The following CPLX2 variants were observed in gnomAD, a reference collection of about 807,000 sequenced individuals.
CPLX2 encodes the protein complexin-2.
A neutral mutation model predicts 16.3 loss-of-function variants in CPLX2; 5 were observed. That is an observed-to-expected ratio of 0.31 (90% CI 0.16 to 0.64). The LOEUF (loss-of-function observed/expected upper bound fraction) is 0.64. Ranked by LOEUF, CPLX2 falls within the 30% of genes least tolerant of loss-of-function variation. The probability of loss-of-function intolerance (pLI) is 0.79; values close to 1 mark genes in which losing one functional copy is unlikely to be tolerated. For synonymous variants in CPLX2, 89 were observed against 73.2 expected (o/e 1.22, Z -1.10); for missense variants, 144 against 181.4 (o/e 0.79, Z 1.18).
chr5:175,799,540 A>ATATATATATTTC (rs71702847), intron 1 of CPLX2, among the ~76,000 whole-genome samples: 1 of 28,234 alleles, frequency 3.5e-5, no homozygotes, highest in African/African-American at 1.3e-4. Flanking sequence ...TGCAAATTTC[A>ATATATATATTTC]TATATATATA....
At chr5:175,856,488 A>G (rs1759259133) in intron 2 of CPLX2, among the ~76,000 whole-genome samples, 1 of 152,120 alleles carries the variant, frequency 6.6e-6, no homozygotes, top group Non-Finnish European at 1.5e-5. Flanking sequence ...AGCTCCCGCC[A>G]CGCTCCGCGC....
At chr5:175,836,545 C>T (rs1581084258) in intron 2 of CPLX2, among the ~76,000 whole-genome samples, 1 of 152,052 alleles carries the variant, frequency 6.6e-6, no homozygotes, top group East Asian at 1.9e-4. Flanking sequence ...GGCAGGTTCT[C>T]CAGCGGGGTG....
At chr5:175,836,282 G>A (rs761651787) in intron 2 of CPLX2, among the ~76,000 whole-genome samples, 5 of 152,236 alleles carry the variant, frequency 3.3e-5, no homozygotes, top group East Asian at 1.9e-4. Context: ...CCCGGGAGGC[G>A]GAGCTTGCAG....
intron 2 of CPLX2, among the ~76,000 whole-genome samples, chr5:175,865,346 C>A (rs777570678): frequency 6.6e-6 from 1 of 152,152 alleles, no homozygotes; most frequent in Non-Finnish European, 1.5e-5. Flanking sequence ...ATTTCCAGCT[C>A]ACTTACTCCA....
At chr5:175,853,846 C>T (rs568631661) in intron 2 of CPLX2, among the ~76,000 whole-genome samples, 2 of 152,240 alleles carry the variant, frequency 1.3e-5, no homozygotes, top group East Asian at 1.9e-4. Context: ...CTGTGGAGTG[C>T]GATTGCTGCA....
intron 2 of CPLX2, among the ~76,000 whole-genome samples, chr5:175,859,043 C>T (rs1028834585): frequency 1.3e-5 from 2 of 152,234 alleles, no homozygotes; most frequent in African/African-American, 4.8e-5. Flanking sequence ...ATGAGCCTCA[C>T]CAACCTAGCA....
At chr5:175,867,852 A>G (rs189224132), upstream of CPLX2, among the ~76,000 whole-genome samples, 1 of 152,264 alleles carries the variant, frequency 6.6e-6, no homozygotes, top group Non-Finnish European at 1.5e-5. Flanking sequence ...CCCTCACACC[A>G]TGCCATTCCA....
intron 2 of CPLX2, among the ~76,000 whole-genome samples, chr5:175,840,129 A>G (rs1454282442): frequency 2.6e-5 from 4 of 152,222 alleles, no homozygotes; most frequent in Non-Finnish European, 4.4e-5. Context: ...ATCCTTTGAC[A>G]TAAAACAATT....
intron 2 of CPLX2, among the ~76,000 whole-genome samples, chr5:175,821,792 G>T (rs1758515138): frequency 6.6e-6 from 1 of 152,196 alleles, no homozygotes; most frequent in South Asian, 2.1e-4. Context: ...CCGGGTGCAG[G>T]CATAAGGTGA....
intron 2 of CPLX2, 35 bp from the exon 3 acceptor site, chr5:175,878,873 G>A (rs780237373): frequency 6.2e-7 from 1 of 1,608,968 alleles, no homozygotes; most frequent in South Asian, 1.1e-5. Context: ...ACCCCTAGCT[G>A]ACCCCGCCCT....
At chr5:175,821,543 G>C (rs1758509731) in intron 2 of CPLX2, among the ~76,000 whole-genome samples, 1 of 152,068 alleles carries the variant, frequency 6.6e-6, no homozygotes, top group African/African-American at 2.4e-5. Context: ...GAGTAGCTGG[G>C]ATTACAGGCA....
rs3822674 is a variant in CPLX2 at position 175,880,253 on chromosome 5, T to C, written c.*208T>C. ...CACCTGCACCCCACTCCCAAGTAGC[T>C]TGAAAAAGGGAGGACAGTCTTTCCC... On this transcript the variant is annotated 3_prime_UTR_variant, in exon 4 of 4. Coordinates refer to ENST00000393745, the MANE Select transcript of CPLX2 (RefSeq NM_001008220.2). 0.5 allele frequency: 339,265 copies of C among 683,570 alleles called. 85,443 individuals are homozygous for C. Among genetic ancestry groups the C allele is most frequent in the East Asian group, 0.59 (20,693 of 35,332 alleles). The allele number at this position is 683,570 out of a possible 1,614,324, so 42.3% of individuals were successfully genotyped here.
At chr5:175,799,853 A>C (rs935087528) in intron 1 of CPLX2, among the ~76,000 whole-genome samples, 1 of 151,788 alleles carries the variant, frequency 6.6e-6, no homozygotes, top group African/African-American at 2.4e-5. Context: ...ATACTTTCTA[A>C]GTAACTTGAT....
intron 2 of CPLX2, among the ~76,000 whole-genome samples, chr5:175,838,266 C>CTTTTTTT (rs1156770920): frequency 5.1e-5 from 6 of 116,780 alleles, no homozygotes; most frequent in African/African-American, 1.0e-4. Flanking sequence ...CCCCTCCTGT[C>CTTTTTTT]TTTTTTTTTT....
chr5:175,832,926 G>A (rs780637672), intron 2 of CPLX2, among the ~76,000 whole-genome samples: 2 of 152,078 alleles, frequency 1.3e-5, no homozygotes, highest in Non-Finnish European at 2.9e-5. Context: ...AGGCCGAGGT[G>A]GGCAGATCTA....
upstream of CPLX2, among the ~76,000 whole-genome samples, chr5:175,869,364 C>A (rs1759537311): frequency 6.6e-6 from 1 of 152,198 alleles, no homozygotes; most frequent in Non-Finnish European, 1.5e-5. Flanking sequence ...GCCTCCCACA[C>A]ACCTGCCATC....
At chr5:175,824,581 G>T (rs181983091) in intron 2 of CPLX2, among the ~76,000 whole-genome samples, 248 of 152,344 alleles carry the variant, frequency 1.6e-3, no homozygotes, top group Admixed American at 5.6e-3. Flanking sequence ...CCTAGAACTT[G>T]GCAGTGAAAC....
intron 2 of CPLX2, among the ~76,000 whole-genome samples, chr5:175,851,917 C>G (rs1759163964): frequency 6.6e-6 from 1 of 152,238 alleles, no homozygotes; most frequent in African/African-American, 2.4e-5. Flanking sequence ...CTGCAGCATC[C>G]TGAGTCAAAA....
At chr5:175,811,475 G>T (rs1758311109) in intron 2 of CPLX2, among the ~76,000 whole-genome samples, 2 of 152,206 alleles carry the variant, frequency 1.3e-5, no homozygotes, top group South Asian at 4.1e-4. Context: ...CTCAACTAGA[G>T]CCTGGCTCAG....
Sources: gnomAD v4.1 joint callset for allele counts (sites outside exome capture counted in the v4.1 genomes callset) on GRCh38, gnomAD v4.1.1 for gene constraint, MANE v1.5 for transcripts, NCBI Gene and HGNC (gene_info 2026-07-23, HGNC 2026-07-21) for gene names.